NUBPL: variants seen among roughly 807,000 people sequenced by gnomAD.
NUBPL encodes NUBP iron-sulfur cluster assembly factor, mitochondrial, also known as iron-sulfur cluster transfer protein NUBPL.
A neutral mutation model predicts 45.7 loss-of-function variants in NUBPL; 31 were observed. The observed-to-expected ratio is 0.68, with a 90% confidence interval of 0.51 to 0.92. NUBPL has a LOEUF of 0.92. NUBPL is among the 40% of genes least tolerant of loss of function. The probability of loss-of-function intolerance (pLI) is 0.00; values close to 1 mark genes in which losing one functional copy is unlikely to be tolerated. For missense variants in NUBPL, 401 were observed against 398.7 expected (o/e 1.01, Z -0.05); for synonymous variants, 144 against 140.9 (o/e 1.02, Z -0.15).
At chr14:31,811,062 A>T (rs1052722769) in intron 7 of NUBPL, among the ~76,000 whole-genome samples, 18 of 151,820 alleles carry the variant, frequency 1.2e-4, no homozygotes, top group Non-Finnish European at 2.6e-4. Flanking sequence ...TTTTTCCTTC[A>T]TTTCAACCTT....
At chr14:31,666,627 A>G (rs1254108371) in intron 4 of NUBPL, among the ~76,000 whole-genome samples, 1 of 152,016 alleles carries the variant, frequency 6.6e-6, no homozygotes, top group Non-Finnish European at 1.5e-5. Context: ...ACATTAGTTG[A>G]TGCGGTTTCT....
chr14:31,692,830 C>T (rs1309318798), intron 6 of NUBPL, among the ~76,000 whole-genome samples: 1 of 152,170 alleles, frequency 6.6e-6, no homozygotes, highest in African/African-American at 2.4e-5. Flanking sequence ...AAGTACCTCT[C>T]ATGGGAAGAG....
intron 6 of NUBPL, among the ~76,000 whole-genome samples, chr14:31,687,362 AT>A (rs1291092412): frequency 2.0e-5 from 3 of 152,346 alleles, no homozygotes; most frequent in African/African-American, 7.2e-5. Context: ...ATACTAGTGT[AT>A]TTTATCATGT....
At chr14:31,601,757 G>T (rs2034440128) in intron 4 of NUBPL, among the ~76,000 whole-genome samples, 1 of 152,190 alleles carries the variant, frequency 6.6e-6, no homozygotes, top group Non-Finnish European at 1.5e-5. Context: ...TGGAGAGGAT[G>T]TGGAGAAATA....
chr14:31,720,220 G>T (rs188166088), intron 6 of NUBPL, among the ~76,000 whole-genome samples: 1 of 151,944 alleles, frequency 6.6e-6, no homozygotes, highest in Non-Finnish European at 1.5e-5. Context: ...CTCCATTCTC[G>T]CTATAATTGC....
At chr14:31,654,104 A>C in intron 4 of NUBPL, 1 of 454,780 alleles carries the variant, frequency 2.2e-6, no homozygotes. Context: ...CTTGTTCCAG[A>C]CCACCACAAT....
At chr14:31,605,649 G>A (rs1019621165) in intron 4 of NUBPL, among the ~76,000 whole-genome samples, 1 of 152,166 alleles carries the variant, frequency 6.6e-6, no homozygotes, top group Non-Finnish European at 1.5e-5. Context: ...TTGAGCAAAT[G>A]ACCTTTTATA....
chr14:31,587,703 T>C (rs974873278), intron 3 of NUBPL, among the ~76,000 whole-genome samples: 11 of 152,222 alleles, frequency 7.2e-5, no homozygotes, highest in African/African-American at 2.7e-4. Flanking sequence ...TTGGCTAATA[T>C]ACCAAAAACT....
intron 6 of NUBPL, among the ~76,000 whole-genome samples, chr14:31,695,467 C>G (rs137958583): frequency 6.6e-6 from 1 of 151,940 alleles, no homozygotes; most frequent in Non-Finnish European, 1.5e-5. Context: ...TGTTGGTCAC[C>G]TCCAAATCTC....
intron 3 of NUBPL, among the ~76,000 whole-genome samples, chr14:31,580,070 G>A (rs9635155): frequency 0.41 from 61,670 of 151,996 alleles, 14,163 homozygotes; most frequent in East Asian, 0.59. Context: ...GTCCAATAAA[G>A]GCTATTTATA....
chr14:31,598,825 T>C (rs1248593145), intron 3 of NUBPL, among the ~76,000 whole-genome samples: 2 of 152,246 alleles, frequency 1.3e-5, no homozygotes, highest in Non-Finnish European at 2.9e-5. Flanking sequence ...TATGGCCCTG[T>C]TTCCATGATC....
intron 6 of NUBPL, among the ~76,000 whole-genome samples, chr14:31,748,090 C>T (rs11628570): frequency 0.29 from 44,490 of 151,906 alleles, 7,445 homozygotes; most frequent in South Asian, 0.41. Context: ...GTTTAATTTC[C>T]CTGTATTTGT....
At chr14:31,635,519 A>C (rs1267073090) in intron 4 of NUBPL, among the ~76,000 whole-genome samples, 2 of 152,006 alleles carry the variant, frequency 1.3e-5, no homozygotes, top group Non-Finnish European at 2.9e-5. Flanking sequence ...GAAGTCAGGT[A>C]GTGTGATGCC....
Position 31,680,389 on chromosome 14 carries a change from T to G in NUBPL, c.513+6815T>G, listed in dbSNP as rs1370675227. 2.6e-5 allele frequency among the ~76,000 whole-genome samples: 4 copies of G among 152,152 alleles called. No individual in the cohort carries two copies. In the East Asian group the frequency reaches 7.7e-4, roughly 29 times the overall value. ...CATGCCCTCTCTCAGGTTAGGAAGT[T>G]CCTTCCTGTTTCCTTGTTTCTTGAA... On this transcript the variant is annotated intron_variant, in intron 6 of 10. Transcript: ENST00000281081.
intron 6 of NUBPL, among the ~76,000 whole-genome samples, chr14:31,743,313 T>C (rs755647946): frequency 6.6e-6 from 1 of 152,198 alleles, no homozygotes; most frequent in East Asian, 1.9e-4. Flanking sequence ...CAGAAAATTA[T>C]ATTCTCCAGA....
intron 6 of NUBPL, among the ~76,000 whole-genome samples, chr14:31,680,115 T>C (rs2139829785): frequency 6.6e-6 from 1 of 152,320 alleles, no homozygotes. Flanking sequence ...TAAATTTTAA[T>C]AATCTAGTAG....
At chr14:31,607,687 G>A (rs1368324026) in intron 4 of NUBPL, among the ~76,000 whole-genome samples, 1 of 152,002 alleles carries the variant, frequency 6.6e-6, no homozygotes, top group African/African-American at 2.4e-5. Flanking sequence ...TATATAGTCA[G>A]AGGAGACAAA....
At chr14:31,729,286 C>G (rs865851709) in intron 6 of NUBPL, among the ~76,000 whole-genome samples, 1,997 of 146,480 alleles carry the variant, frequency 0.014, 75 homozygotes, top group African/African-American at 0.048. Flanking sequence ...CCCCCCCCCC[C>G]CCAAAAAAAA....
At chr14:31,752,756 T>G (rs2038560112) in intron 6 of NUBPL, among the ~76,000 whole-genome samples, 2 of 152,258 alleles carry the variant, frequency 1.3e-5, no homozygotes, top group Non-Finnish European at 2.9e-5. Flanking sequence ...ACCAATTTCC[T>G]GTATTAGTCT....
Sources: allele counts gnomAD v4.1 joint callset (sites outside exome capture counted in the v4.1 genomes callset), GRCh38; gene constraint gnomAD v4.1.1; transcripts MANE v1.5; gene names NCBI Gene and HGNC (gene_info 2026-07-23, HGNC 2026-07-21).